Variants in DGKD observed in about 807,000 individuals in gnomAD.
DGKD encodes diacylglycerol kinase delta.
A neutral mutation model predicts 154.4 loss-of-function variants in DGKD; 68 were observed. The ratio of observed to expected loss-of-function variants is 0.44; its 90% CI spans 0.36 to 0.54. The LOEUF (loss-of-function observed/expected upper bound fraction) is 0.54. Among genes scored for constraint, DGKD ranks in the 20% least tolerant of loss-of-function variants. The pLI is 0.00. For synonymous variants in DGKD, 693 were observed against 638.0 expected (o/e 1.09, Z -1.30); for missense variants, 1,343 against 1,593.6 (o/e 0.84, Z 2.68).
chr2:233,378,124 A>T lies in DGKD; in HGVS notation c.157-10133A>T, dbSNP rs1369354016. On this transcript the variant is annotated intron_variant, in intron 1 of 29. Coordinates refer to ENST00000264057, the MANE Select transcript of DGKD (RefSeq NM_152879.3). ...GCCCAGCTATTTTTTTTTTTTTTCTAAATTTGAGGCCGGGTGTGGTGGCTC... is the reference window on the plus strand; with the variant it reads ...GCCCAGCTATTTTTTTTTTTTTTCTTAATTTGAGGCCGGGTGTGGTGGCTC... 7.6e-3 allele frequency among the ~76,000 whole-genome samples: 1,123 copies of T among 147,118 alleles called. 10 individuals are homozygous for T. Among genetic ancestry groups the T allele is most frequent in the African/African-American group, 0.026 (1,045 of 39,888 alleles).
At chr2:233,463,464 G>C (rs201508799) in intron 26 of DGKD, among the ~76,000 whole-genome samples, 3,786 of 25,716 alleles carry the variant, frequency 0.15, 95 homozygotes, top group African/African-American at 0.27. Flanking sequence ...CTCCACGCAT[G>C]TCCTCACTGC....
intron 3 of DGKD, among the ~76,000 whole-genome samples, chr2:233,402,910 CT>C (rs2061593881): frequency 6.6e-6 from 1 of 152,202 alleles, no homozygotes; most frequent in African/African-American, 2.4e-5. Flanking sequence ...GTGTTCCCTA[CT>C]CTGGGAGACT....
intron 28 of DGKD, among the ~76,000 whole-genome samples, chr2:233,468,185 G>A (rs2063888267): frequency 6.7e-6 from 1 of 150,186 alleles, no homozygotes; most frequent in Non-Finnish European, 1.5e-5. Flanking sequence ...GATACCGGCT[G>A]CCAGAGATGG....
intron 3 of DGKD, among the ~76,000 whole-genome samples, chr2:233,401,433 T>G (rs1347914201): frequency 6.6e-6 from 1 of 152,204 alleles, no homozygotes; most frequent in Non-Finnish European, 1.5e-5. Flanking sequence ...AATAATAACT[T>G]TAATTGAACA....
At chr2:233,408,493 C>T (rs535925469) in intron 3 of DGKD, among the ~76,000 whole-genome samples, 1 of 152,324 alleles carries the variant, frequency 6.6e-6, no homozygotes, top group South Asian at 2.1e-4. Flanking sequence ...GGAAGCCCCA[C>T]GTTCGTTAGC....
chr2:233,432,919 CTT>C (rs2062577494), intron 3 of DGKD, among the ~76,000 whole-genome samples: 1 of 152,158 alleles, frequency 6.6e-6, no homozygotes, highest in Admixed American at 6.5e-5. Flanking sequence ...GTTACAATGA[CTT>C]TTATCCAAAA....
chr2:233,459,687 G>T lies in DGKD; in HGVS notation c.2695-70G>T. 1 of 1,566,188 alleles carries T rather than the reference G, an allele frequency of 6.4e-7. No individual in the cohort carries two copies. Among genetic ancestry groups the T allele is most frequent in the African/African-American group, 1.3e-5 (1 of 74,254 alleles). On this transcript the variant is annotated intron_variant, in intron 22 of 29. Coordinates refer to ENST00000264057, the MANE Select transcript of DGKD (RefSeq NM_152879.3). The surrounding 1 kb of genome is among the most constrained non-coding windows in gnomAD (Gnocchi z 5.7). ...TGTGTGGAGCAGGAAGGTCATGGTG[G>T]TGCTGATAGCACTTTTAAACCCCTG...
intron 26 of DGKD, 56 bp from the exon 27 acceptor site, chr2:233,464,108 C>G (rs1009992706): frequency 1.2e-6 from 2 of 1,609,344 alleles, no homozygotes; most frequent in East Asian, 4.5e-5. Context: ...CTGGGCCTCG[C>G]GCTGATCAGC....
In DGKD at chr2:233,458,210, AG is replaced by A; in HGVS notation, c.2581-71del. The A allele has an allele frequency of 1.1e-6, 1 of 925,448 alleles. No homozygotes were observed. The highest frequency in any genetic ancestry group is 1.7e-6 in the Non-Finnish European group (1 of 585,376). 57.3% of individuals were successfully genotyped at this position (925,448 alleles called of 1,614,324 possible). A position where few individuals can be genotyped will look rare whatever the true frequency, so the allele number is the denominator to read the frequency against. ...CTAGGAGGGGCTGACCCCCAGAGGG[AG>A]GGAGTGAGGGTAGGGGCGGCCTGTG... On this transcript the variant is annotated intron_variant, in intron 21 of 29. Coordinates refer to ENST00000264057, the MANE Select transcript of DGKD (RefSeq NM_152879.3). This position sits in a 1 kb window ranked among gnomAD's most constrained non-coding sequence, Gnocchi z 6.6.
chr2:233,416,247 G>A (rs773263119), intron 3 of DGKD, among the ~76,000 whole-genome samples: 8 of 152,014 alleles, frequency 5.3e-5, no homozygotes, highest in African/African-American at 9.7e-5. Context: ...TTCCCTCCTC[G>A]TGTGGCTTTG....
In DGKD at chr2:233,449,075, C is replaced by T; in HGVS notation, c.1615-28C>T. On this transcript the variant is annotated intron_variant, in intron 14 of 29. Coordinates refer to ENST00000264057, the MANE Select transcript of DGKD (RefSeq NM_152879.3). The surrounding 1 kb of genome is among the most constrained non-coding windows in gnomAD (Gnocchi z 5.3). ...CAGACCCTGTTCTCCTGCCTCAGCT[C>T]TGCATGCCATTTCCTTTCCTTGTTC... The T allele has an allele frequency of 6.4e-7, 1 of 1,567,218 alleles. No homozygotes were observed. Among genetic ancestry groups the T allele is most frequent in the Non-Finnish European group, 8.7e-7 (1 of 1,149,114 alleles).
intron 1 of DGKD, among the ~76,000 whole-genome samples, chr2:233,366,198 T>C (rs1166791709): frequency 6.6e-6 from 1 of 152,148 alleles, no homozygotes; most frequent in Non-Finnish European, 1.5e-5. Context: ...TTCCCCCAGA[T>C]TAGTGGGATA....
intron 1 of DGKD, among the ~76,000 whole-genome samples, chr2:233,384,110 C>G (rs769423634): frequency 1.3e-5 from 2 of 152,106 alleles, no homozygotes; most frequent in Non-Finnish European, 2.9e-5. Context: ...TGAAAAAAAC[C>G]TGTTATCTTG....
intron 3 of DGKD, among the ~76,000 whole-genome samples, chr2:233,430,537 A>G (rs1292313970): frequency 2.0e-5 from 3 of 152,166 alleles, no homozygotes; most frequent in Admixed American, 6.5e-5. Context: ...TTAAAAATGG[A>G]AGGAGAAACC....
At chr2:233,423,658 C>T (rs916974271) in intron 3 of DGKD, among the ~76,000 whole-genome samples, 7 of 152,200 alleles carry the variant, frequency 4.6e-5, no homozygotes, top group African/African-American at 1.2e-4. Context: ...TGCCTAGCTG[C>T]GGCCTGGGAG....
chr2:233,471,612 G>A lies in DGKD; in HGVS notation c.*2152G>A, dbSNP rs963883793. 4 of 152,400 alleles carry A rather than the reference G, an allele frequency of 2.6e-5. No individual in the cohort carries two copies. Among genetic ancestry groups the A allele is most frequent in the Non-Finnish European group, 4.4e-5 (3 of 68,044 alleles). 9.4% of individuals were successfully genotyped at this position (152,400 alleles called of 1,614,324 possible). Reference sequence around the variant, plus strand: ...ATCAGGGCCACCCCAAGTCCTCAGTGTCCTACTCCTGGCAAGGAGTTGGGT... The same window carrying A: ...ATCAGGGCCACCCCAAGTCCTCAGTATCCTACTCCTGGCAAGGAGTTGGGT... On this transcript the variant is annotated 3_prime_UTR_variant, in exon 30 of 30. Coordinates refer to ENST00000264057, the MANE Select transcript of DGKD (RefSeq NM_152879.3).
At chr2:233,356,688 C>T (rs1235359073) in intron 1 of DGKD, among the ~76,000 whole-genome samples, 1 of 152,150 alleles carries the variant, frequency 6.6e-6, no homozygotes, top group Non-Finnish European at 1.5e-5. Context: ...GTTAAAAATA[C>T]ACCCCGAGGA....
rs117275921 is a variant in DGKD, at chr2:233,436,517, G to A, written c.819+76G>A. On this transcript the variant is annotated intron_variant, in intron 7 of 29. Transcript: ENST00000264057. ...GTGCCCATGCGGGCCTTGCGGCTCCGCATGATCTGCTGGATCCTGGTAAAT... is the reference window on the plus strand; with the variant it reads ...GTGCCCATGCGGGCCTTGCGGCTCCACATGATCTGCTGGATCCTGGTAAAT... 5,604 of 1,533,746 alleles carry A rather than the reference G, an allele frequency of 3.7e-3. 233 individuals are homozygous for A. In the East Asian group the frequency reaches 0.095, roughly 26 times the overall value.
chr2:233,380,392 G>T (rs548382038), intron 1 of DGKD, among the ~76,000 whole-genome samples: 2 of 152,318 alleles, frequency 1.3e-5, no homozygotes, highest in East Asian at 3.9e-4. Flanking sequence ...TTGGCTGTAG[G>T]TTGATGTCAT....
Sources: allele counts gnomAD v4.1 joint callset (sites outside exome capture counted in the v4.1 genomes callset), GRCh38; gene constraint gnomAD v4.1.1; non-coding constraint Gnocchi (gnomAD v3.1); transcripts MANE v1.5; gene names NCBI Gene and HGNC (gene_info 2026-07-23, HGNC 2026-07-21).